Variants in TIGD7 observed in about 807,000 individuals in gnomAD.
TIGD7 encodes tigger transposable element derived 7.
TIGD7 carries 26 observed loss-of-function variants against 24.8 expected under a neutral mutation model. That is an observed-to-expected ratio of 1.05 (90% CI 0.77 to 1.45). The LOEUF (loss-of-function observed/expected upper bound fraction) is 1.45, where lower values mean the gene tolerates loss of function less well. Ranked by LOEUF, TIGD7 falls within the 40% of genes most tolerant of loss-of-function variation. The pLI is 0.00. For synonymous variants in TIGD7, 221 were observed against 224.1 expected (o/e 0.99, Z 0.12); for missense variants, 679 against 641.6 (o/e 1.06, Z -0.63).
rs781739032 is a variant in TIGD7 at position 3,299,609 on chromosome 16, A to G, written c.1006T>C (p.Leu336=). The G allele has an allele frequency of 6.4e-6, 10 of 1,561,008 alleles. No individual in the cohort carries two copies. The highest frequency in any genetic ancestry group is 8.6e-6 in the Non-Finnish European group (10 of 1,160,288). The change falls in exon 2 of 2, where the codon TTG becomes CTG. Residue 336 remains leucine, a synonymous_variant. Coordinates refer to ENST00000396862, the MANE Select transcript of TIGD7 (RefSeq NM_033208.4). The part of the protein sequence containing the change: ...LIQPMNQGVI[L]SCKRLYRWKQ... Reference sequence around the variant, plus strand: ...CATCTATACAGCCGTTTGCAGCTCAAGATCACACCTTGATTCATTGGTTGA... The same window carrying G: ...CATCTATACAGCCGTTTGCAGCTCAGGATCACACCTTGATTCATTGGTTGA...
chr16:3,300,855 T>C lies in TIGD7; in HGVS notation c.-241A>G, dbSNP rs1273506336. The stretch of plus-strand genomic sequence containing the variant: ...CAAAGTCCTGTCTGGCTCTTGCTCC[T>C]GCAAGCCATGAGTGATCATTTTTCA... On this transcript the variant is annotated 5_prime_UTR_variant, in exon 2 of 2. Coordinates refer to ENST00000396862, the MANE Select transcript of TIGD7 (RefSeq NM_033208.4). 2.1e-6 allele frequency: 1 copy of C among 484,496 alleles called. No homozygotes were observed. The highest frequency in any genetic ancestry group is 3.6e-6 in the Non-Finnish European group (1 of 280,670). 30.0% of individuals were successfully genotyped at this position (484,496 alleles called of 1,614,324 possible).
chr16:3,303,067 A>T (rs2150781165), intron 1 of TIGD7, among the ~76,000 whole-genome samples: 1 of 152,150 alleles, frequency 6.6e-6, no homozygotes, highest in Non-Finnish European at 1.5e-5. Context: ...CGAACTCCTG[A>T]CCTCAAGTGA....
At position 3,305,227 on chromosome 16, in the gene TIGD7, G is replaced by A. The variant is rs535243762; in HGVS notation, c.-1411C>T. The A allele has an allele frequency of 6.6e-6, 1 of 152,364 alleles. No homozygotes were observed. Among genetic ancestry groups the A allele is most frequent in the Non-Finnish European group, 1.5e-5 (1 of 68,040 alleles). 9.4% of individuals were successfully genotyped at this position (152,364 alleles called of 1,614,324 possible). A position where few individuals can be genotyped will look rare whatever the true frequency, so the allele number is the denominator to read the frequency against. Reference sequence around the variant, plus strand: ...CGACCCTTACCCGGCGAGGCTCCCGGGACCAAACGCCGCCCGACAGCCACG... The same window carrying A: ...CGACCCTTACCCGGCGAGGCTCCCGAGACCAAACGCCGCCCGACAGCCACG... On this transcript the variant is annotated 5_prime_UTR_variant, in exon 1 of 2. Transcript: ENST00000396862.
In TIGD7 at chr16:3,299,707, G is replaced by A; in HGVS notation, c.908C>T (p.Ser303Phe). The change falls in exon 2 of 2, where the codon TCC (serine) becomes TTC (phenylalanine). Residue 303 changes from serine (S) to phenylalanine (F), a missense_variant. By Grantham distance (155) the Ser-to-Phe change is radical. Coordinates refer to ENST00000396862, the MANE Select transcript of TIGD7 (RefSeq NM_033208.4). Reference sequence around the variant, plus strand: ...ATCCTCACTGGTTAGGGATTCAGAGGAAGGATGAGCCGGGCAACTGTCCAG... The same window carrying A: ...ATCCTCACTGGTTAGGGATTCAGAGAAAGGATGAGCCGGGCAACTGTCCAG... ...LLLDSCPAHPSSESLTSEDGR... is the reference protein window; with the variant it reads ...LLLDSCPAHPFSESLTSEDGR... 1 of 1,536,860 alleles carries A rather than the reference G, an allele frequency of 6.5e-7. No homozygotes were observed. The highest frequency in any genetic ancestry group is 8.7e-7 in the Non-Finnish European group (1 of 1,147,026).
rs1243521445 is a variant in TIGD7, at chr16:3,299,940, CTTTAA to C, written c.670_674del (p.Leu224ValfsTer25). ...GTTTTGATTTTCCAATAATGATTGA[CTTTAA>C]TTTATGAGTTCCGTCTGCATTTGCA... is the stretch of plus-strand genomic sequence containing the variant. On this transcript the variant is annotated frameshift_variant, in exon 2 of 2. Transcript: ENST00000396862. LOFTEE classifies it high-confidence loss of function. The C allele has an allele frequency of 2.1e-5, 34 of 1,612,972 alleles. No homozygotes were observed. The highest frequency in any genetic ancestry group is 2.7e-5 in the African/African-American group (2 of 74,916).
In TIGD7 at chr16:3,301,732, AT is replaced by A. The variant is rs1959944266; in HGVS notation, c.-1119del. 2 of 157,396 alleles carry A rather than the reference AT, an allele frequency of 1.3e-5. No individual in the cohort carries two copies. The highest frequency in any genetic ancestry group is 4.1e-4 in the South Asian group (2 of 4,826). 9.7% of individuals were successfully genotyped at this position (157,396 alleles called of 1,614,324 possible). A position where few individuals can be genotyped will look rare whatever the true frequency, so the allele number is the denominator to read the frequency against. ...AGATTTTGATTTCTCTTCAGTGTTT[AT>A]TTTACTTAATTTGAACCAAGACTCA... is the stretch of plus-strand genomic sequence containing the variant. On this transcript the variant is annotated 5_prime_UTR_variant, in exon 2 of 2. Coordinates refer to ENST00000396862, the MANE Select transcript of TIGD7 (RefSeq NM_033208.4).
chr16:3,300,902 T>C lies in TIGD7; in HGVS notation c.-288A>G. ...TTCAGAATGCCCCCTACCTCTCCTC[T>C]CTTTTGACAGATACAACAGCCTCAG... On this transcript the variant is annotated 5_prime_UTR_variant, in exon 2 of 2. Transcript: ENST00000396862. 1 of 302,114 alleles carries C rather than the reference T, an allele frequency of 3.3e-6. No homozygotes were observed. 18.7% of individuals were successfully genotyped at this position (302,114 alleles called of 1,614,324 possible). A position where few individuals can be genotyped will look rare whatever the true frequency, so the allele number is the denominator to read the frequency against.
In TIGD7 at chr16:3,302,804, C is replaced by T. The variant is rs116212950; in HGVS notation, c.-1395-795G>A. ...AGGTGTCTCAGAATTAATGTATTTG[C>T]TTTCAATGCTTCTCAGCTGTGCCGT... On this transcript the variant is annotated intron_variant, in intron 1 of 1. Coordinates refer to ENST00000396862, the MANE Select transcript of TIGD7 (RefSeq NM_033208.4). Among the ~76,000 whole-genome samples the T allele has an allele frequency of 3.8e-3, 565 of 148,266 alleles. 6 individuals are homozygous for T. The highest frequency in any genetic ancestry group is 0.013 in the African/African-American group (534 of 40,250).
rs1238407271 is a variant in TIGD7, at chr16:3,298,874, C to T, written c.*91G>A. On this transcript the variant is annotated 3_prime_UTR_variant, in exon 2 of 2. Transcript: ENST00000396862. Reference sequence around the variant, plus strand: ...ATTTTATAACCATTATATAAATGGGCACTGATATACAAAATAATGTCAGTT... The same window carrying T: ...ATTTTATAACCATTATATAAATGGGTACTGATATACAAAATAATGTCAGTT... The T allele has an allele frequency of 4.5e-6, 2 of 445,958 alleles. No individual in the cohort carries two copies. The highest frequency in any genetic ancestry group is 4.1e-5 in the Admixed American group (1 of 24,612). 27.6% of individuals were successfully genotyped at this position (445,958 alleles called of 1,614,324 possible). A position where few individuals can be genotyped will look rare whatever the true frequency, so the allele number is the denominator to read the frequency against.
At position 3,301,373 on chromosome 16, in the gene TIGD7, C is replaced by T. The variant is rs1038358348; in HGVS notation, c.-759G>A. On this transcript the variant is annotated 5_prime_UTR_variant, in exon 2 of 2. An upstream start codon of the reference 5' UTR is lost. Coordinates refer to ENST00000396862, the MANE Select transcript of TIGD7 (RefSeq NM_033208.4). ...TATGAATGAAATCCAACTTTTATTGCATTCAATATAGTATTGTCAAGCACC... is the reference window on the plus strand; with the variant it reads ...TATGAATGAAATCCAACTTTTATTGTATTCAATATAGTATTGTCAAGCACC... The T allele has an allele frequency of 1.2e-5, 2 of 167,076 alleles. No individual in the cohort carries two copies. The highest frequency in any genetic ancestry group is 6.5e-5 in the Admixed American group (1 of 15,280). 10.3% of individuals were successfully genotyped at this position (167,076 alleles called of 1,614,324 possible).
chr16:3,299,164 A>C lies in TIGD7; in HGVS notation c.1451T>G (p.Leu484Trp), dbSNP rs374114849. The C allele has an allele frequency of 6.4e-7, 1 of 1,557,564 alleles. No individual in the cohort carries two copies. Among genetic ancestry groups the C allele is most frequent in the Middle Eastern group, 1.7e-4 (1 of 5,818 alleles). ...EFKLSAVRES[L>W]DYLLDFVDAT... ...ATCAACAAAGTCAAGAAGGTAGTCCAAACTCTCTCTTACAGCAGATAATTT... is the reference window on the plus strand; with the variant it reads ...ATCAACAAAGTCAAGAAGGTAGTCCCAACTCTCTCTTACAGCAGATAATTT... The change falls in exon 2 of 2, where the codon TTG (leucine) becomes TGG (tryptophan). Residue 484 changes from leucine (L) to tryptophan (W), a missense_variant. Leu to Trp is a moderately conservative substitution (Grantham distance 61). Coordinates refer to ENST00000396862, the MANE Select transcript of TIGD7 (RefSeq NM_033208.4).
At chr16:3,304,555 G>A (rs771901923) in intron 1 of TIGD7, among the ~76,000 whole-genome samples, 4 of 152,214 alleles carry the variant, frequency 2.6e-5, no homozygotes, top group Non-Finnish European at 5.9e-5. Context: ...ACACATAGCT[G>A]ACTTAATAAA....
Position 3,299,690 on chromosome 16 carries a change from T to C in TIGD7, c.925A>G (p.Ser309Gly). ...ATACATTTTATTCGACCATCCTCAC[T>C]GGTTAGGGATTCAGAGGAAGGATGA... ...PAHPSSESLT[S>G]EDGRIKCMFF... Residue 309 changes from serine (S) to glycine (G), a missense_variant, in exon 2 of 2, where the codon AGT becomes GGT. Coordinates refer to ENST00000396862, the MANE Select transcript of TIGD7 (RefSeq NM_033208.4). 1 of 1,539,324 alleles carries C rather than the reference T, an allele frequency of 6.5e-7. No homozygotes were observed.
chr16:3,302,453 A>G (rs886638365), intron 1 of TIGD7, among the ~76,000 whole-genome samples: 2 of 152,138 alleles, frequency 1.3e-5, no homozygotes, highest in East Asian at 1.9e-4. Context: ...TCTCTCATCT[A>G]AAAACCCAGA....
At position 3,299,703 on chromosome 16, in the gene TIGD7, A is replaced by G. The variant is rs1300027456; in HGVS notation, c.912T>C (p.Ser304=). The G allele has an allele frequency of 1.3e-6, 2 of 1,537,530 alleles. No individual in the cohort carries two copies. Among genetic ancestry groups the G allele is most frequent in the Non-Finnish European group, 8.7e-7 (1 of 1,147,570 alleles). ...LLDSCPAHPS[S]ESLTSEDGRI... ...GACCATCCTCACTGGTTAGGGATTC[A>G]GAGGAAGGATGAGCCGGGCAACTGT... The change falls in exon 2 of 2, where the codon TCT becomes TCC. Residue 304 remains serine (S), a synonymous_variant. Transcript: ENST00000396862.
At position 3,301,222 on chromosome 16, in the gene TIGD7, G is replaced by T. The variant is rs1432324254; in HGVS notation, c.-608C>A. 1.2e-5 allele frequency: 2 copies of T among 167,160 alleles called. No individual in the cohort carries two copies. Among genetic ancestry groups the T allele is most frequent in the African/African-American group, 4.8e-5 (2 of 41,462 alleles). The allele number at this position is 167,160 out of a possible 1,614,324, so 10.4% of individuals were successfully genotyped here. ...CTTTGTACATAGTGTTCACTGGGCA[G>T]CAGTTCATCTACCTGGATAAGGGCT... On this transcript the variant is annotated 5_prime_UTR_variant, in exon 2 of 2. In the 5' UTR this introduces an upstream ATG that the reference lacks. Transcript: ENST00000396862.
rs145207288 is a variant in TIGD7 at position 3,299,432 on chromosome 16, T to G, written c.1183A>C (p.Ile395Leu). Residue 395 changes from isoleucine to leucine, a missense_variant, in exon 2 of 2, where the codon ATA (isoleucine) becomes CTA (leucine). Physicochemically the swap from Ile to Leu is conservative, Grantham distance 5. Transcript: ENST00000396862. ...AGAAGATTTTCCCATGCATTTGCTA[T>G]GGTTATTTGTTTTACTTCTTCCCAA... ...KSWEEVKQIT[I>L]ANAWENLLYK... 3 of 1,562,108 alleles carry G rather than the reference T, an allele frequency of 1.9e-6. No individual in the cohort carries two copies. The East Asian group carries it at 6.9e-5, about 36-fold the overall frequency.
At chr16:3,302,154 G>T in intron 1 of TIGD7, 145 bp from the exon 2 acceptor site, 1 of 151,672 alleles carries the variant, frequency 6.6e-6, no homozygotes, top group Non-Finnish European at 1.5e-5. Context: ...TTGAGACAGA[G>T]TCTTGCTCTG....
chr16:3,299,576 G>T lies in TIGD7; in HGVS notation c.1039C>A (p.Leu347Ile). 3 of 1,538,572 alleles carry T rather than the reference G, an allele frequency of 1.9e-6. No homozygotes were observed. Among genetic ancestry groups the T allele is most frequent in the African/African-American group, 2.8e-5 (2 of 71,764 alleles). ...SCKRLYRWKQ[L>I]EESLVIFEES... The stretch of plus-strand genomic sequence containing the variant: ...TCAAATATTACAAGACTCTCTTCAA[G>T]TTGCTTCCATCTATACAGCCGTTTG... Residue 347 changes from leucine to isoleucine, a missense_variant, in exon 2 of 2, where the codon CTT (leucine) becomes ATT (isoleucine). By Grantham distance (5) the Leu-to-Ile change is conservative. Coordinates refer to ENST00000396862, the MANE Select transcript of TIGD7 (RefSeq NM_033208.4).
Sources: allele counts gnomAD v4.1 joint callset (sites outside exome capture counted in the v4.1 genomes callset), GRCh38; gene constraint gnomAD v4.1.1; transcripts MANE v1.5; gene names NCBI Gene and HGNC (gene_info 2026-07-23, HGNC 2026-07-21).